Variants in BCL9 observed in about 807,000 individuals in gnomAD.
The protein encoded by BCL9 is B-cell CLL/lymphoma 9 protein.
A neutral mutation model predicts 88.5 loss-of-function variants in BCL9; 25 were observed. The ratio of observed to expected loss-of-function variants is 0.28; its 90% CI spans 0.21 to 0.39. The LOEUF is 0.39. Among genes scored for constraint, BCL9 ranks in the 10% least tolerant of loss-of-function variants. The pLI is 1.00. For missense variants in BCL9, 1,817 were observed against 1,877.8 expected, an observed-to-expected ratio of 0.97 and a Z score of 0.60; for synonymous variants, 711 against 673.3, an observed-to-expected ratio of 1.06 and a Z score of -0.87.
chr1:147,614,060 T>G (rs1360420209), intron 5 of BCL9, among the ~76,000 whole-genome samples: 1 of 152,164 alleles, frequency 6.6e-6, no homozygotes, highest in Non-Finnish European at 1.5e-5. Context: ...TGAATGCACC[T>G]AGAAAGCTGA....
At chr1:147,596,438 G>T (rs1657056949) in intron 1 of BCL9, among the ~76,000 whole-genome samples, 2 of 114,806 alleles carry the variant, frequency 1.7e-5, no homozygotes, top group African/African-American at 3.5e-5. Context: ...TTTTGAGACG[G>T]AGTCTCGCTC....
At chr1:147,591,543 C>G (rs78705734) in intron 1 of BCL9, among the ~76,000 whole-genome samples, 3,415 of 152,252 alleles carry the variant, frequency 0.022, 59 homozygotes, top group African/African-American at 0.037. Flanking sequence ...TAAGATCATA[C>G]AAAGTCCTTA....
chr1:147,595,022 A>G (rs1553200317), intron 1 of BCL9, among the ~76,000 whole-genome samples: 6 of 152,226 alleles, frequency 3.9e-5, no homozygotes. Context: ...TGAGATGACA[A>G]GGTTGGTCTT....
rs184631136 is a variant in BCL9, at chr1:147,552,531, A to G, written c.-478+10857A>G. 1.1e-3 allele frequency among the ~76,000 whole-genome samples: 174 copies of G among 152,280 alleles called. 5 individuals carry two copies. The highest frequency in any genetic ancestry group is 0.011 in the Admixed American group (168 of 15,290). Reference sequence around the variant, plus strand: ...TGAGGCAGGAGAATCACTTGAACCCAGGAGGCAGAGGTTGCAGTGAGCTGA... The same window carrying G: ...TGAGGCAGGAGAATCACTTGAACCCGGGAGGCAGAGGTTGCAGTGAGCTGA... On this transcript the variant is annotated intron_variant, in intron 1 of 9. Transcript: ENST00000234739.
intron 2 of BCL9, among the ~76,000 whole-genome samples, 189 bp from the exon 3 acceptor site, chr1:147,606,594 GC>G (rs1657721799): frequency 6.6e-6 from 1 of 152,196 alleles, no homozygotes; most frequent in African/African-American, 2.4e-5. Context: ...CCTTGAACTG[GC>G]TACAGATCAG....
chr1:147,577,834 A>ATGTGTGTGTGTGTGTG (rs67428703), intron 1 of BCL9, among the ~76,000 whole-genome samples: 181 of 141,142 alleles, frequency 1.3e-3, no homozygotes, highest in East Asian at 0.012. Context: ...TTTTCTACCA[A>ATGTGTGTGTGTGTGTG]TGTGTGTGTG....
chr1:147,622,354 C>A lies in BCL9; in HGVS notation c.2986C>A (p.Pro996Thr). ...TCCCTCTAGTACACCTTATACCATGCCTCCAGAGCCAACCCTTTCCCAGAA... is the reference window on the plus strand; with the variant it reads ...TCCCTCTAGTACACCTTATACCATGACTCCAGAGCCAACCCTTTCCCAGAA... ...SLPSSTPYTM[P>T]PEPTLSQNPL... Residue 996 changes from proline to threonine, a missense_variant, in exon 9 of 10, where the codon CCT becomes ACT. Pro to Thr is a conservative substitution (Grantham distance 38). Around this residue, in one of 2 missense-constraint regions of BCL9, gnomAD observed 589 missense variants for 686.2 expected, o/e 0.86. Coordinates refer to ENST00000234739, the MANE Select transcript of BCL9 (RefSeq NM_004326.4). 1.2e-6 allele frequency: 2 copies of A among 1,614,214 alleles called. No individual in the cohort carries two copies. Among genetic ancestry groups the A allele is most frequent in the Non-Finnish European group, 1.7e-6 (2 of 1,180,042 alleles).
At chr1:147,614,307 C>T in intron 5 of BCL9, 120 bp from the exon 6 acceptor site, 4 of 934,774 alleles carry the variant, frequency 4.3e-6, no homozygotes, top group Non-Finnish European at 6.4e-6. Flanking sequence ...AAGAGGTTTC[C>T]TCTTAGCAAG....
chr1:147,619,895 C>T lies in BCL9; in HGVS notation c.1740C>T (p.Asn580=), dbSNP rs782671693. The change falls in exon 8 of 10, where the codon AAC becomes AAT. Residue 580 remains asparagine, a synonymous_variant. Transcript: ENST00000234739. This position sits in a 1 kb window ranked among gnomAD's most constrained non-coding sequence, Gnocchi z 4.1. ...AAATGGAAGGGCCGAATGTCCCCAA[C>T]CCTGCATCTAGACCAGGTCTTTCTG... ...NSEMEGPNVP[N]PASRPGLSGV... 6 of 1,614,230 alleles carry T rather than the reference C, an allele frequency of 3.7e-6. No homozygotes were observed. In the East Asian group the frequency reaches 6.7e-5, roughly 18 times the overall value.
Position 147,620,411 on chromosome 1 carries a change from A to T in BCL9, c.2256A>T (p.Pro752=). 1 of 1,614,070 alleles carries T rather than the reference A, an allele frequency of 6.2e-7. No homozygotes were observed. The highest frequency in any genetic ancestry group is 8.5e-7 in the Non-Finnish European group (1 of 1,179,982). The part of the protein sequence containing the change: ...AGPEEMLKLR[P]GGSDMLPAQQ... ...CTGAGGAGATGCTGAAATTACGCCCAGGTGGCTCAGACATGCTGCCTGCTC... is the reference window on the plus strand; with the variant it reads ...CTGAGGAGATGCTGAAATTACGCCCTGGTGGCTCAGACATGCTGCCTGCTC... Residue 752 remains proline, a synonymous_variant, in exon 8 of 10, where the codon CCA becomes CCT. Coordinates refer to ENST00000234739, the MANE Select transcript of BCL9 (RefSeq NM_004326.4).
In BCL9 at chr1:147,625,826, G is replaced by T; in HGVS notation, c.*867G>T. 4.3e-6 allele frequency: 1 copy of T among 232,794 alleles called. No individual in the cohort carries two copies. Among genetic ancestry groups the T allele is most frequent in the South Asian group, 1.8e-4 (1 of 5,518 alleles). 14.4% of individuals were successfully genotyped at this position (232,794 alleles called of 1,614,324 possible). ...TTCCCTTTGGCAGCTGCAATACACA[G>T]TGTTATTTTGGGGAAATAAATCTAG... On this transcript the variant is annotated 3_prime_UTR_variant, in exon 10 of 10. Transcript: ENST00000234739.
At chr1:147,597,316 C>T (rs1657098116) in intron 1 of BCL9, among the ~76,000 whole-genome samples, 1 of 152,156 alleles carries the variant, frequency 6.6e-6, no homozygotes, top group Non-Finnish European at 1.5e-5. Flanking sequence ...AGCTAAAGAA[C>T]TAAGAAGTCA....
intron 1 of BCL9, among the ~76,000 whole-genome samples, chr1:147,591,014 C>G (rs968712733): frequency 5.3e-5 from 8 of 152,106 alleles, no homozygotes; most frequent in African/African-American, 1.9e-4. Flanking sequence ...AAAGGCAGTG[C>G]AGGATAGCAG....
At chr1:147,599,810 G>T (rs979215599) in intron 1 of BCL9, among the ~76,000 whole-genome samples, 1 of 151,610 alleles carries the variant, frequency 6.6e-6, no homozygotes, top group Admixed American at 6.6e-5. Context: ...CTGCCTGGTG[G>T]GCAGGGCCCT....
intron 1 of BCL9, among the ~76,000 whole-genome samples, chr1:147,550,476 G>A (rs2101471159): frequency 6.6e-6 from 1 of 152,258 alleles, no homozygotes; most frequent in South Asian, 2.1e-4. Flanking sequence ...AAAATTGGGA[G>A]AGGGAAGTGT....
At chr1:147,557,309 C>T (rs1553195558) in intron 1 of BCL9, among the ~76,000 whole-genome samples, 2 of 152,148 alleles carry the variant, frequency 1.3e-5, no homozygotes, top group Admixed American at 6.5e-5. Flanking sequence ...AATATCTGAG[C>T]ACAAAAAGTC....
intron 3 of BCL9, 21 bp from the exon 4 acceptor site, chr1:147,611,557 T>C (rs1473616028): frequency 4.2e-6 from 2 of 471,618 alleles, no homozygotes; most frequent in Non-Finnish European, 7.7e-6. Flanking sequence ...CCAACTTTTT[T>C]TGGGTGGCCT....
intron 6 of BCL9, 47 bp downstream of exon 6, chr1:147,614,663 A>AATAAGAATTTAGGTC: frequency 6.6e-7 from 1 of 1,513,790 alleles, no homozygotes; most frequent in Non-Finnish European, 9.0e-7. Context: ...TTGTCTGGGG[A>AATAAGAATTTAGGTC]CCTAAATTCT....
At chr1:147,609,912 G>A (rs781905154) in intron 3 of BCL9, among the ~76,000 whole-genome samples, 2 of 152,220 alleles carry the variant, frequency 1.3e-5, no homozygotes, top group African/African-American at 2.4e-5. Flanking sequence ...TATACACCTA[G>A]TATTATTCAG....
Sources: gnomAD v4.1 joint callset for allele counts (sites outside exome capture counted in the v4.1 genomes callset) on GRCh38, gnomAD v4.1.1 for gene constraint, gnomAD v4.1.1 regional missense constraint, Gnocchi (gnomAD v3.1) non-coding constraint, MANE v1.5 for transcripts, NCBI Gene and HGNC (gene_info 2026-07-23, HGNC 2026-07-21) for gene names.